FAM168A: variants seen among roughly 807,000 people sequenced by gnomAD.
FAM168A encodes family with sequence similarity 168 member A.
FAM168A carries 3 observed loss-of-function variants against 28.5 expected under a neutral mutation model. The observed-to-expected ratio is 0.11, with a 90% CI of 0.05 to 0.27. The LOEUF (loss-of-function observed/expected upper bound fraction) is 0.27, where lower values mean the gene tolerates loss of function less well. FAM168A is among the 10% of genes least tolerant of loss of function. The probability of loss-of-function intolerance (pLI) is 1.00; values close to 1 mark genes in which losing one functional copy is unlikely to be tolerated. For synonymous variants in FAM168A, 122 were observed against 124.2 expected (o/e 0.98, Z 0.12); for missense variants, 222 against 311.5 (o/e 0.71, Z 2.16).
At position 73,432,534 on chromosome 11, in the gene FAM168A, G is replaced by A. The variant is rs182155871; in HGVS notation, c.71-1764C>T. 1.7e-3 allele frequency among the ~76,000 whole-genome samples: 254 copies of A among 152,194 alleles called. 1 individual carries two copies. The highest frequency in any genetic ancestry group is 2.9e-3 in the Non-Finnish European group (195 of 68,016). Reference sequence around the variant, plus strand: ...GAATTGCATTTCCCTAACGACTAACGATATTGAGCATTTTTCATGTACTTA... The same window carrying A: ...GAATTGCATTTCCCTAACGACTAACAATATTGAGCATTTTTCATGTACTTA... On this transcript the variant is annotated intron_variant, in intron 2 of 7. Coordinates refer to ENST00000356467, the MANE Select transcript of FAM168A (RefSeq NM_015159.3).
At chr11:73,454,863 T>C (rs747424018) in intron 2 of FAM168A, among the ~76,000 whole-genome samples, 6 of 152,190 alleles carry the variant, frequency 3.9e-5, no homozygotes, top group African/African-American at 1.4e-4. Flanking sequence ...TGAGAGCCAC[T>C]TTCATCGGCA....
chr11:73,458,852 C>T lies in FAM168A; in HGVS notation c.70+9553G>A, dbSNP rs181449487. On this transcript the variant is annotated intron_variant, in intron 2 of 7. Coordinates refer to ENST00000356467, the MANE Select transcript of FAM168A (RefSeq NM_015159.3). ...GTCTCAAACTCCTGACCTCATGATC[C>T]GCCCGCCTTGGCCTCCCAAAGTGAT... is the stretch of plus-strand genomic sequence containing the variant. Among the ~76,000 whole-genome samples, 10 of 152,292 alleles carry T rather than the reference C, an allele frequency of 6.6e-5. No individual in the cohort carries two copies. In the East Asian group the frequency reaches 1.5e-3, roughly 24 times the overall value.
At chr11:73,546,358 T>A (rs1943752561) in intron 1 of FAM168A, among the ~76,000 whole-genome samples, 2 of 152,200 alleles carry the variant, frequency 1.3e-5, no homozygotes, top group African/African-American at 4.8e-5. Flanking sequence ...CATAAGCACC[T>A]TGGACTAATT....
intron 2 of FAM168A, among the ~76,000 whole-genome samples, chr11:73,454,259 G>A (rs932384286): frequency 8.5e-5 from 13 of 152,124 alleles, no homozygotes; most frequent in Non-Finnish European, 1.3e-4. Flanking sequence ...TAATAAAAGA[G>A]ATCTAACAAA....
intron 2 of FAM168A, among the ~76,000 whole-genome samples, chr11:73,447,549 C>A (rs1380451883): frequency 2.7e-5 from 4 of 146,226 alleles, no homozygotes; most frequent in Admixed American, 1.3e-4. Flanking sequence ...GAGTGTAAGA[C>A]CCTGTCTCAA....
In FAM168A at chr11:73,495,143, A is replaced by T. The variant is rs1347260943; in HGVS notation, c.-18-26651T>A. 3.3e-5 allele frequency among the ~76,000 whole-genome samples: 5 copies of T among 151,432 alleles called. No individual in the cohort carries two copies. In the East Asian group the frequency reaches 9.7e-4, roughly 29 times the overall value. On this transcript the variant is annotated intron_variant, in intron 1 of 7. Transcript: ENST00000356467. ...GTATAGACGTAAAAAAAAAAAAAAA[A>T]TCAAACTGATCCCGTCTCTGCTGAA...
intron 2 of FAM168A, among the ~76,000 whole-genome samples, chr11:73,439,841 G>A (rs1264311078): frequency 1.3e-5 from 2 of 148,296 alleles, no homozygotes; most frequent in Non-Finnish European, 3.0e-5. Flanking sequence ...TTTGTGAATC[G>A]ATAATTTGGT....
rs182798783 is a variant in FAM168A, at chr11:73,421,130, A to G, written c.152-1131T>C. Among the ~76,000 whole-genome samples, 239 of 152,138 alleles carry G rather than the reference A, an allele frequency of 1.6e-3. 1 individual carries two copies. The highest frequency in any genetic ancestry group is 5.3e-3 in the African/African-American group (220 of 41,478). On this transcript the variant is annotated intron_variant, in intron 3 of 7. Coordinates refer to ENST00000356467, the MANE Select transcript of FAM168A (RefSeq NM_015159.3). ...GTATATTAGCAGAAGGTGGGGCTGCATTGGCAATACTTAAAACATTTAAAT... is the reference window on the plus strand; with the variant it reads ...GTATATTAGCAGAAGGTGGGGCTGCGTTGGCAATACTTAAAACATTTAAAT...
chr11:73,593,787 T>C (rs572729653), intron 1 of FAM168A, among the ~76,000 whole-genome samples: 66 of 152,336 alleles, frequency 4.3e-4, no homozygotes, highest in African/African-American at 1.4e-3. Flanking sequence ...AACAATCCTA[T>C]GATGTTAATT....
At chr11:73,551,917 GA>G (rs1440988462) in intron 1 of FAM168A, among the ~76,000 whole-genome samples, 33 of 152,324 alleles carry the variant, frequency 2.2e-4, no homozygotes, top group African/African-American at 7.9e-4. Flanking sequence ...CAGTACTTAG[GA>G]AGTACTTAAA....
intron 4 of FAM168A, among the ~76,000 whole-genome samples, chr11:73,412,934 A>G (rs1018528104): frequency 4.6e-5 from 7 of 152,314 alleles, no homozygotes; most frequent in African/African-American, 1.7e-4. Context: ...GAAGACATCT[A>G]GTCTTCAGTC....
chr11:73,541,462 TC>T (rs1943656269), intron 1 of FAM168A, among the ~76,000 whole-genome samples: 1 of 151,166 alleles, frequency 6.6e-6, no homozygotes, highest in Non-Finnish European at 1.5e-5. Flanking sequence ...AAGCTCCTCC[TC>T]CCGGGTTCAC....
intron 2 of FAM168A, among the ~76,000 whole-genome samples, chr11:73,437,400 CTTTTTTTTTTT>C (rs747204512): frequency 9.7e-6 from 1 of 103,514 alleles, no homozygotes; most frequent in South Asian, 3.3e-4. Context: ...CCCGGCCACT[CTTTTTTTTTTT>C]TTTTTTTTTT....
intron 2 of FAM168A, among the ~76,000 whole-genome samples, chr11:73,432,933 A>G (rs79798477): frequency 6.6e-6 from 1 of 152,158 alleles, no homozygotes; most frequent in African/African-American, 2.4e-5. Context: ...TTTTTAAGAG[A>G]CAGGGTCTTG....
intron 2 of FAM168A, among the ~76,000 whole-genome samples, chr11:73,457,704 G>C (rs150307829): frequency 0.013 from 1,618 of 122,470 alleles, 42 homozygotes; most frequent in African/African-American, 0.048. Flanking sequence ...ATTGTGCTAC[G>C]GTACTCTAGC....
At chr11:73,420,306 A>G (rs984732737) in intron 3 of FAM168A, among the ~76,000 whole-genome samples, 2 of 152,238 alleles carry the variant, frequency 1.3e-5, no homozygotes, top group Non-Finnish European at 2.9e-5. Flanking sequence ...ACTGTGGCCT[A>G]GGGCTCTGGT....
chr11:73,468,609 A>G, intron 1 of FAM168A, 117 bp from the exon 2 acceptor site: 1 of 839,332 alleles, frequency 1.2e-6, no homozygotes, highest in Non-Finnish European at 1.8e-6. Flanking sequence ...TGTAGTGGAA[A>G]GAAGACTAAA....
intron 1 of FAM168A, among the ~76,000 whole-genome samples, chr11:73,498,513 G>A (rs1854940035): frequency 6.6e-6 from 1 of 152,174 alleles, no homozygotes; most frequent in Non-Finnish European, 1.5e-5. Context: ...CTGGGGGAGG[G>A]GCGACCAGCA....
At chr11:73,465,506 G>A (rs377156135) in intron 2 of FAM168A, among the ~76,000 whole-genome samples, 3 of 91,960 alleles carry the variant, frequency 3.3e-5, no homozygotes, top group African/African-American at 7.8e-5. Context: ...ATACCAGACT[G>A]GGTGGCTTAA....
Sources: allele counts gnomAD v4.1 joint callset (sites outside exome capture counted in the v4.1 genomes callset), GRCh38; gene constraint gnomAD v4.1.1; transcripts MANE v1.5; gene names NCBI Gene and HGNC (gene_info 2026-07-23, HGNC 2026-07-21).